QTMAN: variants seen among roughly 807,000 people sequenced by gnomAD.
QTMAN encodes the protein tRNA-queuosine alpha-mannosyltransferase.
chr2:144,220,367 A>G, the QTMAN span, among the ~76,000 whole-genome samples: 3 of 152,216 alleles, frequency 2.0e-5, no homozygotes, highest in Non-Finnish European at 4.4e-5. Flanking sequence ...CTATTGTCCA[A>G]AGTTTCTGCA....
chr2:143,983,270 C>T, the QTMAN span, among the ~76,000 whole-genome samples: 2 of 151,900 alleles, frequency 1.3e-5, no homozygotes, highest in African/African-American at 4.8e-5. Context: ...ATTTGCAGTG[C>T]CAGGCAAACA....
At chr2:144,323,297 C>A in the QTMAN span, among the ~76,000 whole-genome samples, 1 of 152,160 alleles carries the variant, frequency 6.6e-6, no homozygotes, top group Non-Finnish European at 1.5e-5. Flanking sequence ...CTCATCACAG[C>A]AAATATTAAA....
At chr2:144,002,327 A>G in the QTMAN span, among the ~76,000 whole-genome samples, 1 of 152,072 alleles carries the variant, frequency 6.6e-6, no homozygotes, top group African/African-American at 2.4e-5. Context: ...AAGCTAAACT[A>G]GTTGTCTTTT....
chr2:143,959,704 C>T, the QTMAN span, among the ~76,000 whole-genome samples: 4 of 151,872 alleles, frequency 2.6e-5, no homozygotes, highest in Non-Finnish European at 5.9e-5. Flanking sequence ...TTTTTCAGAT[C>T]ATGTAAAATT....
At chr2:144,157,045 A>G in the QTMAN span, among the ~76,000 whole-genome samples, 3 of 152,236 alleles carry the variant, frequency 2.0e-5, no homozygotes, top group South Asian at 6.2e-4. Context: ...GCCTGGACTC[A>G]TGATTCCAAT....
the QTMAN span, among the ~76,000 whole-genome samples, chr2:144,274,150 A>G: frequency 5.3e-5 from 8 of 152,110 alleles, no homozygotes; most frequent in Non-Finnish European, 7.4e-5. Flanking sequence ...AAAGAAATAT[A>G]TATTTGTTCT....
chr2:144,231,127 T>C, the QTMAN span, among the ~76,000 whole-genome samples: 1 of 152,178 alleles, frequency 6.6e-6, no homozygotes, highest in Non-Finnish European at 1.5e-5. Flanking sequence ...AATTAACATG[T>C]ACTCTTTCAT....
the QTMAN span, among the ~76,000 whole-genome samples, chr2:144,119,087 C>T: frequency 6.6e-6 from 1 of 152,074 alleles, no homozygotes; most frequent in South Asian, 2.1e-4. Flanking sequence ...AATGTCTGGG[C>T]AAGAGACCAG....
chr2:144,028,361 T>C, the QTMAN span, among the ~76,000 whole-genome samples: 2 of 152,198 alleles, frequency 1.3e-5, no homozygotes, highest in Non-Finnish European at 2.9e-5. Flanking sequence ...ATAATAAACA[T>C]GCACTTATTT....
the QTMAN span, among the ~76,000 whole-genome samples, chr2:144,066,774 C>T: frequency 7.9e-5 from 12 of 152,216 alleles, no homozygotes; most frequent in Non-Finnish European, 8.8e-5. Context: ...TGAGATCTCG[C>T]CACTGCACTC....
At chr2:144,094,902 A>C in the QTMAN span, among the ~76,000 whole-genome samples, 1 of 152,198 alleles carries the variant, frequency 6.6e-6, no homozygotes, top group Admixed American at 6.5e-5. Flanking sequence ...TCGTTCTCAT[A>C]ATATTTTGGT....
At chr2:144,287,886 C>T in the QTMAN span, among the ~76,000 whole-genome samples, 9 of 152,160 alleles carry the variant, frequency 5.9e-5, no homozygotes, top group East Asian at 7.7e-4. Flanking sequence ...CATGGAGTCT[C>T]GCTCTGTCGC....
chr2:143,956,243 C>T, the QTMAN span, among the ~76,000 whole-genome samples: 4 of 152,176 alleles, frequency 2.6e-5, no homozygotes, highest in East Asian at 7.7e-4. Flanking sequence ...TGACAAGATT[C>T]TAACAATTTT....
At chr2:143,956,130 T>A in the QTMAN span, among the ~76,000 whole-genome samples, 3 of 152,232 alleles carry the variant, frequency 2.0e-5, no homozygotes, top group Non-Finnish European at 2.9e-5. Flanking sequence ...GTGTATCTGA[T>A]GAGTATTCTT....
At chr2:144,144,517 A>T in the QTMAN span, among the ~76,000 whole-genome samples, 1 of 151,972 alleles carries the variant, frequency 6.6e-6, no homozygotes, top group Non-Finnish European at 1.5e-5. Context: ...TTTTATTTTC[A>T]TTTTTAAAAC....
At chr2:144,285,888 T>C in the QTMAN span, among the ~76,000 whole-genome samples, 1 of 152,232 alleles carries the variant, frequency 6.6e-6, no homozygotes, top group African/African-American at 2.4e-5. Context: ...CCTCGTGCCC[T>C]TCTAGTAGCT....
At chr2:144,019,994 C>T in the QTMAN span, among the ~76,000 whole-genome samples, 2 of 147,840 alleles carry the variant, frequency 1.4e-5, no homozygotes, top group Admixed American at 1.3e-4. Flanking sequence ...AACTTCTAAT[C>T]ATCCGTCGCA....
the QTMAN span, chr2:143,941,124 A>T: frequency 1.3e-5 from 2 of 152,166 alleles, no homozygotes; most frequent in Non-Finnish European, 2.9e-5. Flanking sequence ...GCCCTGGAAA[A>T]TCTGAGTTCT....
the QTMAN span, among the ~76,000 whole-genome samples, chr2:144,309,116 A>C: frequency 6.6e-6 from 1 of 152,218 alleles, no homozygotes; most frequent in East Asian, 1.9e-4. Context: ...GAATTATACC[A>C]AGTGCTGGCC....
Sources: gnomAD v4.1 joint callset for allele counts (sites outside exome capture counted in the v4.1 genomes callset) on GRCh38, gnomAD v4.1.1 for gene constraint, MANE v1.5 for transcripts, NCBI Gene and HGNC (gene_info 2026-07-23, HGNC 2026-07-21) for gene names.